Variants in ANTXR2 observed in about 807,000 individuals in gnomAD.
ANTXR2 encodes anthrax toxin receptor 2.
In ANTXR2, 44 loss-of-function variants were observed where a neutral mutation model predicts 73.7. That is an observed-to-expected ratio of 0.60 (90% CI 0.47 to 0.77). ANTXR2 has a LOEUF of 0.77. ANTXR2 is among the 30% of genes least tolerant of loss of function. The probability of loss-of-function intolerance (pLI) is 0.00; values close to 1 mark genes in which losing one functional copy is unlikely to be tolerated. For missense variants in ANTXR2, 604 were observed against 592.5 expected (o/e 1.02, Z -0.20); for synonymous variants, 217 against 205.9 (o/e 1.05, Z -0.46).
chr4:80,010,164 G>C (rs1340325884), intron 11 of ANTXR2, among the ~76,000 whole-genome samples: 1 of 151,888 alleles, frequency 6.6e-6, no homozygotes, highest in Non-Finnish European at 1.5e-5. Flanking sequence ...CCTGTTCTTA[G>C]AAAGAACATT....
chr4:80,027,972 G>A (rs1474165683), intron 10 of ANTXR2, among the ~76,000 whole-genome samples: 1 of 152,074 alleles, frequency 6.6e-6, no homozygotes, highest in Non-Finnish European at 1.5e-5. Flanking sequence ...TGGCACAAAG[G>A]AACCACTTTT....
At position 80,031,706 on chromosome 4, in the gene ANTXR2, T is replaced by C. The variant is rs1198971346; in HGVS notation, c.797-14A>G. On this transcript the variant is annotated splice_polypyrimidine_tract_variant and intron_variant, in intron 9 of 16. Coordinates refer to ENST00000403729, the MANE Select transcript of ANTXR2 (RefSeq NM_058172.6). ...CTGGTTTTACACCTAGAAAATAAAA[T>C]GCCACTGAATTAGTAAAGGGTTTTA... The C allele has an allele frequency of 1.4e-6, 2 of 1,435,574 alleles. No homozygotes were observed. Among genetic ancestry groups the C allele is most frequent in the African/African-American group, 1.5e-5 (1 of 67,242 alleles). The allele number at this position is 1,435,574 out of a possible 1,614,324, so 88.9% of individuals were successfully genotyped here.
chr4:80,032,952 T>C (rs1201565394), intron 9 of ANTXR2, among the ~76,000 whole-genome samples: 1 of 151,468 alleles, frequency 6.6e-6, no homozygotes, highest in Non-Finnish European at 1.5e-5. Context: ...AAAGACTATC[T>C]TCAATAAATT....
At chr4:80,016,318 C>T (rs751281232) in intron 11 of ANTXR2, among the ~76,000 whole-genome samples, 6 of 152,032 alleles carry the variant, frequency 3.9e-5, no homozygotes, top group East Asian at 1.9e-4. Context: ...CTCTCAATTT[C>T]GTCAACACAT....
At chr4:79,934,030 G>A (rs960701771) in intron 16 of ANTXR2, among the ~76,000 whole-genome samples, 1 of 151,994 alleles carries the variant, frequency 6.6e-6, no homozygotes, top group African/African-American at 2.4e-5. Flanking sequence ...GAGCCATCGC[G>A]CCTGGCCAAT....
At chr4:79,933,244 A>G (rs1728128277) in intron 16 of ANTXR2, among the ~76,000 whole-genome samples, 1 of 152,222 alleles carries the variant, frequency 6.6e-6, no homozygotes, top group African/African-American at 2.4e-5. Flanking sequence ...ATCAGTATTT[A>G]TATTGTATGG....
rs1249626338 is a variant in ANTXR2, at chr4:79,901,419, T to G, written c.*6010A>C. On this transcript the variant is annotated 3_prime_UTR_variant, in exon 17 of 17. Coordinates refer to ENST00000403729, the MANE Select transcript of ANTXR2 (RefSeq NM_058172.6). ...ATTTATTACTTTGGAAGCTTTTGGT[T>G]TCTTTGTTTGGCATCTAAATTGTTT... is the stretch of plus-strand genomic sequence containing the variant. The G allele has an allele frequency of 2.0e-5, 3 of 151,906 alleles. No homozygotes were observed. Among genetic ancestry groups the G allele is most frequent in the Admixed American group, 6.6e-5 (1 of 15,240 alleles). The allele number at this position is 151,906 out of a possible 1,614,324, so 9.4% of individuals were successfully genotyped here.
At chr4:80,030,651 T>C (rs562687642) in intron 10 of ANTXR2, among the ~76,000 whole-genome samples, 1 of 152,242 alleles carries the variant, frequency 6.6e-6, no homozygotes, top group South Asian at 2.1e-4. Context: ...CCAAAAGTGA[T>C]GTGCGATAGA....
At chr4:80,056,778 AT>A (rs1292509429) in intron 3 of ANTXR2, among the ~76,000 whole-genome samples, 1 of 151,884 alleles carries the variant, frequency 6.6e-6, no homozygotes, top group Non-Finnish European at 1.5e-5. Flanking sequence ...TCCCAACTGA[AT>A]TTGTCTAAAT....
Position 79,990,383 on chromosome 4 carries a change from C to CAAAAAAAAA in ANTXR2, c.1042-5529_1042-5521dup, listed in dbSNP as rs70944757. On this transcript the variant is annotated intron_variant, in intron 12 of 16. Transcript: ENST00000403729. ...ATCAAGAATTCAATAACAACAGTTA[C>CAAAAAAAAA]AAAAAAAAAAAAAAAAAAACACCTT... is the stretch of plus-strand genomic sequence containing the variant. Among the ~76,000 whole-genome samples, 209 of 76,812 alleles carry CAAAAAAAAA rather than the reference C, an allele frequency of 2.7e-3. 6 individuals carry two copies. Among genetic ancestry groups the CAAAAAAAAA allele is most frequent in the Middle Eastern group, 0.012 (1 of 84 alleles). 50.4% of individuals were successfully genotyped at this position (76,812 alleles called of 152,430 possible). A position where few individuals can be genotyped will look rare whatever the true frequency, so the allele number is the denominator to read the frequency against.
intron 16 of ANTXR2, among the ~76,000 whole-genome samples, chr4:79,922,486 C>A (rs1282687245): frequency 6.6e-6 from 1 of 151,682 alleles, no homozygotes; most frequent in African/African-American, 2.4e-5. Context: ...ATAATTAATC[C>A]CTAAAATGAA....
chr4:79,957,667 T>C (rs1289727512), intron 16 of ANTXR2, among the ~76,000 whole-genome samples: 1 of 152,124 alleles, frequency 6.6e-6, no homozygotes, highest in Non-Finnish European at 1.5e-5. Flanking sequence ...CCGAAAATCA[T>C]ACTTTTGAAG....
intron 11 of ANTXR2, among the ~76,000 whole-genome samples, chr4:80,015,913 AAGG>A (rs763326929): frequency 3.2e-4 from 22 of 68,910 alleles, no homozygotes; most frequent in South Asian, 1.7e-3. Flanking sequence ...AAGGAAAGGA[AAGG>A]AAAGGAAAAA....
intron 2 of ANTXR2, among the ~76,000 whole-genome samples, chr4:80,070,136 G>A (rs776163510): frequency 6.6e-6 from 1 of 152,012 alleles, no homozygotes; most frequent in Non-Finnish European, 1.5e-5. Flanking sequence ...CTTGCTTCTC[G>A]GACACTCTCT....
chr4:80,026,019 A>G (rs1561009944), intron 10 of ANTXR2, among the ~76,000 whole-genome samples: 1 of 152,286 alleles, frequency 6.6e-6, no homozygotes, highest in East Asian at 1.9e-4. Flanking sequence ...CACTTAAAAA[A>G]CAATCACCAA....
In ANTXR2 at chr4:79,986,392, G is replaced by T. The variant is rs114400103; in HGVS notation, c.1042-1529C>A. Among the ~76,000 whole-genome samples, 972 of 152,096 alleles carry T rather than the reference G, an allele frequency of 6.4e-3. 10 individuals are homozygous for T. The highest frequency in any genetic ancestry group is 0.019 in the African/African-American group (798 of 41,464). On this transcript the variant is annotated intron_variant, in intron 12 of 16. Transcript: ENST00000403729. ...GTGGTTCCACTTTTACCTCATCAAA[G>T]AATTATTTTTAATGTGTAGTATATT...
chr4:79,977,362 G>T, intron 16 of ANTXR2: 1 of 287,720 alleles, frequency 3.5e-6, no homozygotes, highest in Non-Finnish European at 5.2e-6. Flanking sequence ...CAATGATTGT[G>T]CTTATTAAAG....
intron 2 of ANTXR2, among the ~76,000 whole-genome samples, chr4:80,070,270 C>T (rs1056902903): frequency 1.3e-5 from 2 of 152,180 alleles, no homozygotes; most frequent in Non-Finnish European, 2.9e-5. Context: ...ACCCCTTATT[C>T]ACTTCCTACA....
chr4:80,013,099 G>A (rs942971776), intron 11 of ANTXR2, among the ~76,000 whole-genome samples: 3 of 152,116 alleles, frequency 2.0e-5, no homozygotes, highest in African/African-American at 7.2e-5. Flanking sequence ...AGAAAAAAAA[G>A]GACATCTTTC....
Sources: gnomAD v4.1 joint callset for allele counts (sites outside exome capture counted in the v4.1 genomes callset) on GRCh38, gnomAD v4.1.1 for gene constraint, MANE v1.5 for transcripts, NCBI Gene and HGNC (gene_info 2026-07-23, HGNC 2026-07-21) for gene names.